The following METTL15 variants were observed in gnomAD, a reference collection of about 807,000 sequenced individuals.
The protein encoded by METTL15 is 12S rRNA N(4)-cytidine methyltransferase METTL15.
In METTL15, 34 loss-of-function variants were observed where a neutral mutation model predicts 38.3. That is an observed-to-expected ratio of 0.89 (90% CI 0.68 to 1.18). The LOEUF (loss-of-function observed/expected upper bound fraction) is 1.18, where lower values mean the gene tolerates loss of function less well. Ranked by LOEUF, METTL15 falls within the 50% of genes most tolerant of loss-of-function variation. The pLI, the probability that METTL15 is intolerant of heterozygous loss-of-function variation, is 0.00. For missense variants in METTL15, 438 were observed against 498.4 expected (o/e 0.88, Z 1.15); for synonymous variants, 162 against 170.9 (o/e 0.95, Z 0.41).
intron 5 of METTL15, among the ~76,000 whole-genome samples, chr11:28,389,037 T>C (rs1334279883): frequency 2.6e-5 from 4 of 152,058 alleles, no homozygotes; most frequent in Admixed American, 2.0e-4. Context: ...CTACATAGTA[T>C]TCCATGGGGT....
chr11:28,193,278 T>G (rs189997801), intron 3 of METTL15, among the ~76,000 whole-genome samples: 1 of 152,202 alleles, frequency 6.6e-6, no homozygotes, highest in East Asian at 1.9e-4. Context: ...AAGAAGTTCT[T>G]TTGGCTCACA....
chr11:28,411,925 G>A (rs554883431), intron 5 of METTL15, among the ~76,000 whole-genome samples: 37 of 152,120 alleles, frequency 2.4e-4, no homozygotes, highest in African/African-American at 7.9e-4. Flanking sequence ...TTTTAAAATG[G>A]CCAAAGGACC....
At chr11:28,352,221 C>G (rs953914518) in intron 4 of METTL15, 2 of 152,144 alleles carry the variant, frequency 1.3e-5, no homozygotes, top group African/African-American at 4.8e-5. Context: ...AAATGAGAAA[C>G]CTATGAAATC....
intron 5 of METTL15, among the ~76,000 whole-genome samples, chr11:28,295,255 C>G (rs1856688211): frequency 6.6e-6 from 1 of 152,038 alleles, no homozygotes; most frequent in East Asian, 1.9e-4. Flanking sequence ...AGAATTGTTA[C>G]TTTCATTTCA....
In METTL15 at chr11:28,330,705, C is replaced by T. The variant is rs1056921943; in HGVS notation, c.1088C>T (p.Thr363Met). ...CAATTGGGTTCAGATCACGAAAACACGGAAGAAGTCTCTATGAGAAGAGCT... is the reference window on the plus strand; with the variant it reads ...CAATTGGGTTCAGATCACGAAAACATGGAAGAAGTCTCTATGAGAAGAGCT... ...TSQLGSDHENTEEVSMRRAPL... is the reference protein window; with the variant it reads ...TSQLGSDHENMEEVSMRRAPL... Residue 363 changes from threonine to methionine, a missense_variant, in exon 7 of 7, where the codon ACG becomes ATG. Thr to Met is a moderately conservative substitution (Grantham distance 81, BLOSUM62 -1). Transcript: ENST00000407364. The T allele has an allele frequency of 1.9e-5, 30 of 1,551,338 alleles. No homozygotes were observed. The highest frequency in any genetic ancestry group is 2.4e-5 in the Non-Finnish European group (27 of 1,146,822).
intron 3 of METTL15, among the ~76,000 whole-genome samples, chr11:28,339,011 C>T (rs540042084): frequency 2.6e-4 from 39 of 152,122 alleles, no homozygotes; most frequent in African/African-American, 9.2e-4. Context: ...CTAAGAGGAA[C>T]TTTTGATAGT....
chr11:28,449,598 A>G (rs183353308), intron 6 of METTL15, among the ~76,000 whole-genome samples: 1 of 152,286 alleles, frequency 6.6e-6, no homozygotes, highest in East Asian at 1.9e-4. Flanking sequence ...TCGTCTTCTC[A>G]TATAGAAATG....
At chr11:28,482,395 C>T (rs1441344818) in intron 6 of METTL15, among the ~76,000 whole-genome samples, 1 of 152,182 alleles carries the variant, frequency 6.6e-6, no homozygotes, top group Non-Finnish European at 1.5e-5. Flanking sequence ...CCTCTGAGTC[C>T]TTGTCTATTA....
At chr11:28,431,264 C>T (rs1850925233) in intron 6 of METTL15, among the ~76,000 whole-genome samples, 1 of 145,166 alleles carries the variant, frequency 6.9e-6, no homozygotes, top group East Asian at 2.1e-4. Context: ...CAGCCACCAC[C>T]CCGTCTGGGA....
intron 6 of METTL15, among the ~76,000 whole-genome samples, chr11:28,315,819 G>GC (rs1857459650): frequency 6.6e-6 from 1 of 152,238 alleles, no homozygotes; most frequent in African/African-American, 2.4e-5. Flanking sequence ...TCAGGCTGTT[G>GC]CTTCAGGGGG....
intron 6 of METTL15, among the ~76,000 whole-genome samples, chr11:28,487,378 TTAAG>T (rs1252993767): frequency 6.6e-6 from 1 of 152,168 alleles, no homozygotes; most frequent in Non-Finnish European, 1.5e-5. Context: ...ATCTGACATA[TTAAG>T]TAATTGTTGA....
At chr11:28,511,849 G>T (rs1163919748) in intron 6 of METTL15, among the ~76,000 whole-genome samples, 1 of 152,166 alleles carries the variant, frequency 6.6e-6, no homozygotes, top group Non-Finnish European at 1.5e-5. Flanking sequence ...GATGGCTCTG[G>T]CAGCCTGCTT....
chr11:28,343,232 T>G (rs933213923), intron 3 of METTL15, among the ~76,000 whole-genome samples: 47 of 151,178 alleles, frequency 3.1e-4, no homozygotes, highest in African/African-American at 1.1e-3. Flanking sequence ...AAAAAAAAAC[T>G]TATAGTGAAC....
chr11:28,227,917 T>G (rs1853546088), intron 4 of METTL15, among the ~76,000 whole-genome samples: 1 of 151,944 alleles, frequency 6.6e-6, no homozygotes, highest in Non-Finnish European at 1.5e-5. Flanking sequence ...TTTAATGATC[T>G]CTGGCTTCCC....
intron 5 of METTL15, among the ~76,000 whole-genome samples, chr11:28,396,770 C>G (rs2133399714): frequency 6.6e-6 from 1 of 152,176 alleles, no homozygotes; most frequent in East Asian, 1.9e-4. Context: ...CAAAAAAGAG[C>G]CCTCATTGCC....
chr11:28,330,727 A>G lies in METTL15; in HGVS notation c.1110A>G (p.Arg370=). Residue 370 remains arginine (R), a synonymous_variant, in exon 7 of 7, where the codon AGA becomes AGG. Coordinates refer to ENST00000407364, the MANE Select transcript of METTL15 (RefSeq NM_001113528.2). ...ACACGGAAGAAGTCTCTATGAGAAG[A>G]GCTCCTTTAATGTGGGAATTGATAC... ...HENTEEVSMR[R]APLMWELIHK... 1 of 1,551,616 alleles carries G rather than the reference A, an allele frequency of 6.4e-7. No homozygotes were observed.
chr11:28,244,102 T>TAAAAAC (rs918982427), intron 4 of METTL15, among the ~76,000 whole-genome samples: 24 of 152,136 alleles, frequency 1.6e-4, no homozygotes, highest in Non-Finnish European at 2.6e-4. Context: ...ATAGATTGTT[T>TAAAAAC]AAAAACAAAA....
chr11:28,409,257 C>T (rs966355162), intron 5 of METTL15, among the ~76,000 whole-genome samples: 1 of 151,512 alleles, frequency 6.6e-6, no homozygotes, highest in African/African-American at 2.4e-5. Flanking sequence ...TGACAGGCGC[C>T]TGTTGTCCCA....
intron 5 of METTL15, among the ~76,000 whole-genome samples, chr11:28,373,366 G>A (rs1465662991): frequency 6.6e-6 from 1 of 152,054 alleles, no homozygotes; most frequent in African/African-American, 2.4e-5. Context: ...TTTCTCTGAT[G>A]GCTAGTGATG....
Sources: allele counts gnomAD v4.1 joint callset (sites outside exome capture counted in the v4.1 genomes callset), GRCh38; gene constraint gnomAD v4.1.1; transcripts MANE v1.5; gene names NCBI Gene and HGNC (gene_info 2026-07-23, HGNC 2026-07-21).